The following EPHA6 variants were observed in gnomAD, a reference collection of about 807,000 sequenced individuals.
The protein encoded by EPHA6 is EPH receptor A6.
A neutral mutation model predicts 112.0 loss-of-function variants in EPHA6; 50 were observed. The ratio of observed to expected loss-of-function variants is 0.45; its 90% CI spans 0.36 to 0.56. The LOEUF (loss-of-function observed/expected upper bound fraction) is 0.56, where lower values mean the gene tolerates loss of function less well. EPHA6 is among the 20% of genes least tolerant of loss of function. The pLI is 0.00. For missense variants in EPHA6, 1,280 were observed against 1,417.4 expected (o/e 0.90, Z 1.56); for synonymous variants, 529 against 490.7 (o/e 1.08, Z -1.03).
At chr3:97,328,714 C>T (rs990191009) in intron 5 of EPHA6, among the ~76,000 whole-genome samples, 1 of 151,958 alleles carries the variant, frequency 6.6e-6, no homozygotes, top group African/African-American at 2.4e-5. Flanking sequence ...TGTGGTCTGA[C>T]TTATCAATTT....
chr3:97,540,814 A>G (rs770951838), intron 11 of EPHA6, among the ~76,000 whole-genome samples: 31 of 152,334 alleles, frequency 2.0e-4, no homozygotes, highest in African/African-American at 7.0e-4. Context: ...CATCTAAAGG[A>G]TGAAATCTTA....
intron 3 of EPHA6, among the ~76,000 whole-genome samples, chr3:97,153,703 A>G (rs2076222326): frequency 6.6e-6 from 1 of 152,122 alleles, no homozygotes; most frequent in Non-Finnish European, 1.5e-5. Context: ...CCTAAATGTA[A>G]TTGATTGTGC....
At chr3:97,119,174 A>G (rs2047974879) in intron 3 of EPHA6, among the ~76,000 whole-genome samples, 1 of 151,984 alleles carries the variant, frequency 6.6e-6, no homozygotes, top group African/African-American at 2.4e-5. Flanking sequence ...AATCAGTGAC[A>G]AAACACTGAA....
intron 5 of EPHA6, among the ~76,000 whole-genome samples, chr3:97,250,704 C>G (rs1389081806): frequency 6.6e-6 from 1 of 152,094 alleles, no homozygotes; most frequent in Non-Finnish European, 1.5e-5. Flanking sequence ...GTCTAACAAA[C>G]TGGCACATTT....
chr3:97,480,931 A>T (rs886907507), intron 9 of EPHA6, among the ~76,000 whole-genome samples: 1 of 150,918 alleles, frequency 6.6e-6, no homozygotes, highest in Non-Finnish European at 1.5e-5. Context: ...GGCCGGGCAA[A>T]GACGCTCCTC....
chr3:97,760,356 TATATGTATATATACC>T lies in EPHA6; in HGVS notation c.*11670_*11684del, dbSNP rs1245170509. The T allele has an allele frequency of 6.3e-6, 1 of 158,608 alleles. No individual in the cohort carries two copies. Among genetic ancestry groups the T allele is most frequent in the Non-Finnish European group, 1.4e-5 (1 of 73,230 alleles). 9.8% of individuals were successfully genotyped at this position (158,608 alleles called of 1,614,324 possible). A position where few individuals can be genotyped will look rare whatever the true frequency, so the allele number is the denominator to read the frequency against. Reference sequence around the variant, plus strand: ...TGGAGATATATATATATATATTATATATATGTATATATACCATATGTATATATACATATGTATGTG... The same window carrying T: ...TGGAGATATATATATATATATTATATATATGTATATATACATATGTATGTG... On this transcript the variant is annotated 3_prime_UTR_variant, in exon 18 of 18. Transcript: ENST00000389672.
At chr3:97,660,361 T>G (rs369423951) in intron 14 of EPHA6, among the ~76,000 whole-genome samples, 90 of 152,216 alleles carry the variant, frequency 5.9e-4, no homozygotes, top group African/African-American at 2.0e-3. Flanking sequence ...ATTGTAGCCA[T>G]CCTGCCATTC....
intron 11 of EPHA6, among the ~76,000 whole-genome samples, chr3:97,582,083 G>A (rs981620315): frequency 2.0e-5 from 3 of 151,872 alleles, no homozygotes; most frequent in Non-Finnish European, 4.4e-5. Context: ...AGGCTGGAGT[G>A]CAATGGCCCA....
chr3:97,558,324 C>G (rs1286196564), intron 11 of EPHA6, among the ~76,000 whole-genome samples: 1 of 151,992 alleles, frequency 6.6e-6, no homozygotes, highest in Admixed American at 6.6e-5. Context: ...TGGTCATATA[C>G]TCAGCTACTG....
chr3:97,545,696 G>A (rs1553808522), intron 11 of EPHA6, among the ~76,000 whole-genome samples: 1 of 152,148 alleles, frequency 6.6e-6, no homozygotes, highest in Non-Finnish European at 1.5e-5. Context: ...TTGTGTGGGA[G>A]TCTAAGTCTC....
chr3:96,953,846 T>C (rs1454318445), intron 2 of EPHA6, among the ~76,000 whole-genome samples: 2 of 152,098 alleles, frequency 1.3e-5, no homozygotes, highest in Non-Finnish European at 2.9e-5. Context: ...AATCCAGGCT[T>C]TGTCTCCTTT....
At position 97,391,933 on chromosome 3, in the gene EPHA6, A is replaced by G. The variant is rs528627434; in HGVS notation, c.1607-13217A>G. Reference sequence around the variant, plus strand: ...TATGTACCTTAGGGGTCCAACAGAAAAATATTTTTTTCTTTCATGAGACAT... The same window carrying G: ...TATGTACCTTAGGGGTCCAACAGAAGAATATTTTTTTCTTTCATGAGACAT... On this transcript the variant is annotated intron_variant, in intron 5 of 17. Transcript: ENST00000389672. 1.1e-4 allele frequency among the ~76,000 whole-genome samples: 17 copies of G among 151,926 alleles called. No homozygotes were observed. In the South Asian group the frequency reaches 2.9e-3, roughly 26 times the overall value.
chr3:97,410,270 T>TAA (rs2087630189), intron 6 of EPHA6, among the ~76,000 whole-genome samples: 1 of 152,114 alleles, frequency 6.6e-6, no homozygotes, highest in East Asian at 1.9e-4. Context: ...TAAAGATAGA[T>TAA]AATCAGTAAC....
At chr3:97,329,365 A>C (rs2082657452) in intron 5 of EPHA6, among the ~76,000 whole-genome samples, 1 of 151,172 alleles carries the variant, frequency 6.6e-6, no homozygotes, top group African/African-American at 2.5e-5. Flanking sequence ...TGGTATTTCT[A>C]GTTCTGGATC....
chr3:97,663,476 G>T (rs931347842), intron 14 of EPHA6, among the ~76,000 whole-genome samples: 1 of 149,034 alleles, frequency 6.7e-6, no homozygotes, highest in Non-Finnish European at 1.5e-5. Flanking sequence ...TAATGCTATC[G>T]CTCCCCCCTC....
At position 97,756,377 on chromosome 3, in the gene EPHA6, T is replaced by C. The variant is rs1008902242; in HGVS notation, c.*7676T>C. Among the ~76,000 whole-genome samples, 2 of 151,988 alleles carry C rather than the reference T, an allele frequency of 1.3e-5. No homozygotes were observed. The highest frequency in any genetic ancestry group is 2.9e-5 in the Non-Finnish European group (2 of 67,816). ...TTGTTAAATTTAACTTGTTTAAATA[T>C]CCATTGGTATATTATCAAGAGCTAT... On this transcript the variant is annotated 3_prime_UTR_variant, in exon 18 of 18. Coordinates refer to ENST00000389672, the MANE Select transcript of EPHA6 (RefSeq NM_001080448.3).
At chr3:97,233,010 G>A (rs918974009) in intron 4 of EPHA6, among the ~76,000 whole-genome samples, 1 of 152,110 alleles carries the variant, frequency 6.6e-6, no homozygotes, top group African/African-American at 2.4e-5. Flanking sequence ...ACCTGCTTGA[G>A]CCCACTCGTC....
chr3:97,047,518 AAAAG>A (rs1411139131), intron 3 of EPHA6, among the ~76,000 whole-genome samples: 5 of 150,514 alleles, frequency 3.3e-5, no homozygotes, highest in African/African-American at 1.2e-4. Context: ...AAAAAAAAAA[AAAAG>A]AAACCAGAAG....
chr3:96,842,434 G>A lies in EPHA6; in HGVS notation c.386-24391G>A, dbSNP rs183581642. On this transcript the variant is annotated intron_variant, in intron 1 of 17. Coordinates refer to ENST00000389672, the MANE Select transcript of EPHA6 (RefSeq NM_001080448.3). ...ATGATGAGAGAAAAAAATACAAAGT[G>A]ATGTTCCTCTCCAGATTATATCCGA... Among the ~76,000 whole-genome samples, 6 of 152,100 alleles carry A rather than the reference G, an allele frequency of 3.9e-5. No homozygotes were observed. In the East Asian group the frequency reaches 1.2e-3, roughly 30 times the overall value.
Sources: gnomAD v4.1 joint callset for allele counts (sites outside exome capture counted in the v4.1 genomes callset) on GRCh38, gnomAD v4.1.1 for gene constraint, MANE v1.5 for transcripts, NCBI Gene and HGNC (gene_info 2026-07-23, HGNC 2026-07-21) for gene names.